Variants in CDH18 observed in about 807,000 individuals in gnomAD.
CDH18 encodes cadherin-18.
A neutral mutation model predicts 67.9 loss-of-function variants in CDH18; 31 were observed. That is an observed-to-expected ratio of 0.46 (90% CI 0.34 to 0.62). The LOEUF is 0.62. CDH18 is among the 20% of genes least tolerant of loss of function. The pLI, the probability that CDH18 is intolerant of heterozygous loss-of-function variation, is 0.01. For missense variants in CDH18, 890 were observed against 975.5 expected (o/e 0.91, Z 1.17); for synonymous variants, 362 against 347.2 (o/e 1.04, Z -0.48).
intron 1 of CDH18, among the ~76,000 whole-genome samples, chr5:20,379,887 C>A (rs1317047735): frequency 6.6e-6 from 1 of 151,830 alleles, no homozygotes; most frequent in Non-Finnish European, 1.5e-5. Flanking sequence ...TAGGTTGTGA[C>A]CCCAATCACT....
intron 9 of CDH18, among the ~76,000 whole-genome samples, chr5:19,527,354 T>C (rs1287605660): frequency 6.6e-6 from 1 of 151,688 alleles, no homozygotes; most frequent in East Asian, 1.9e-4. Context: ...CTATTAAATC[T>C]ACTTAAACAA....
intron 1 of CDH18, among the ~76,000 whole-genome samples, chr5:20,383,271 C>T (rs1744062555): frequency 6.6e-6 from 1 of 152,154 alleles, no homozygotes; most frequent in East Asian, 1.9e-4. Context: ...ACTTGGAGGA[C>T]ATAATGTTCA....
intron 4 of CDH18, among the ~76,000 whole-genome samples, chr5:19,734,900 T>C (rs966031301): frequency 1.3e-5 from 2 of 152,208 alleles, no homozygotes; most frequent in African/African-American, 2.4e-5. Context: ...GTAAGTTATA[T>C]TGCAATAACA....
intron 3 of CDH18, among the ~76,000 whole-genome samples, chr5:19,811,971 A>G (rs571759630): frequency 6.6e-5 from 10 of 152,336 alleles, no homozygotes; most frequent in African/African-American, 2.4e-4. Flanking sequence ...AACAACAAAG[A>G]TATTGATAAA....
chr5:19,811,785 C>A (rs1467913123), intron 3 of CDH18, among the ~76,000 whole-genome samples: 1 of 151,858 alleles, frequency 6.6e-6, no homozygotes, highest in Non-Finnish European at 1.5e-5. Flanking sequence ...ATATCTTCAA[C>A]AAAACAATAG....
At chr5:20,332,042 T>G (rs1023549397) in intron 1 of CDH18, among the ~76,000 whole-genome samples, 11 of 152,176 alleles carry the variant, frequency 7.2e-5, no homozygotes, top group African/African-American at 2.7e-4. Context: ...TTGTGGCCTG[T>G]TTTGAAGATT....
At chr5:19,712,805 A>T (rs1764874125) in intron 5 of CDH18, among the ~76,000 whole-genome samples, 1 of 151,502 alleles carries the variant, frequency 6.6e-6, no homozygotes, top group South Asian at 2.1e-4. Context: ...TGCTTTCTAG[A>T]TTTCATTGTA....
intron 2 of CDH18, among the ~76,000 whole-genome samples, chr5:19,941,778 C>A (rs1794846015): frequency 6.6e-6 from 1 of 151,816 alleles, no homozygotes; most frequent in Non-Finnish European, 1.5e-5. Context: ...CAGAGCAAAA[C>A]CCTGCCTCTC....
At chr5:19,665,426 G>A (rs1029389449) in intron 5 of CDH18, among the ~76,000 whole-genome samples, 11 of 151,960 alleles carry the variant, frequency 7.2e-5, no homozygotes, top group Non-Finnish European at 1.5e-4. Context: ...GTTAATTTTT[G>A]TATGTGGAAA....
At chr5:19,856,674 A>C (rs183638704) in intron 2 of CDH18, among the ~76,000 whole-genome samples, 17 of 151,406 alleles carry the variant, frequency 1.1e-4, no homozygotes, top group African/African-American at 3.6e-4. Flanking sequence ...TATAAAAAGA[A>C]GGTATTTGTT....
chr5:20,131,823 C>T (rs984389322), intron 2 of CDH18, among the ~76,000 whole-genome samples: 3 of 152,098 alleles, frequency 2.0e-5, no homozygotes, highest in Admixed American at 6.6e-5. Flanking sequence ...TATTACTTTA[C>T]ACTTTATTCT....
At chr5:20,564,999 C>T (rs1056795644) in intron 1 of CDH18, among the ~76,000 whole-genome samples, 17 of 152,180 alleles carry the variant, frequency 1.1e-4, no homozygotes, top group Non-Finnish European at 2.4e-4. Context: ...GAAATTAGCA[C>T]CACTTCAAAG....
intron 3 of CDH18, among the ~76,000 whole-genome samples, chr5:19,801,848 C>A (rs929134582): frequency 7.2e-5 from 11 of 152,156 alleles, no homozygotes; most frequent in Non-Finnish European, 1.2e-4. Flanking sequence ...CAGTTCCCCC[C>A]CAACACCATA....
At chr5:19,505,817 A>C (rs1744049070) in intron 10 of CDH18, among the ~76,000 whole-genome samples, 1 of 152,058 alleles carries the variant, frequency 6.6e-6, no homozygotes, top group Admixed American at 6.6e-5. Flanking sequence ...TGGTATCAGG[A>C]TGATGCTGGC....
At chr5:20,447,134 T>C (rs1750063930) in intron 1 of CDH18, among the ~76,000 whole-genome samples, 1 of 152,226 alleles carries the variant, frequency 6.6e-6, no homozygotes, top group Admixed American at 6.5e-5. Context: ...TTATCCTTTT[T>C]CCTTCCTTCT....
intron 2 of CDH18, among the ~76,000 whole-genome samples, chr5:20,166,375 G>C (rs1350940681): frequency 6.7e-6 from 1 of 149,112 alleles, no homozygotes; most frequent in Non-Finnish European, 1.5e-5. Flanking sequence ...TGGGGATGGA[G>C]GTTGTAGTGA....
At chr5:19,615,382 A>G (rs1046793507) in intron 5 of CDH18, among the ~76,000 whole-genome samples, 1 of 152,170 alleles carries the variant, frequency 6.6e-6, no homozygotes, top group African/African-American at 2.4e-5. Flanking sequence ...CCTTTTAAAT[A>G]GACTATATTT....
intron 2 of CDH18, among the ~76,000 whole-genome samples, chr5:20,237,663 C>G (rs531303182): frequency 6.6e-6 from 1 of 151,808 alleles, no homozygotes; most frequent in Non-Finnish European, 1.5e-5. Flanking sequence ...AATTAAATAA[C>G]ACTTAAATAA....
At chr5:20,360,712 G>A (rs550824822) in intron 1 of CDH18, among the ~76,000 whole-genome samples, 19 of 152,246 alleles carry the variant, frequency 1.2e-4, no homozygotes, top group Admixed American at 7.9e-4. Context: ...CTATCAGTCA[G>A]TACAATCTGC....
Sources: allele counts gnomAD v4.1 joint callset (sites outside exome capture counted in the v4.1 genomes callset), GRCh38; gene constraint gnomAD v4.1.1; transcripts MANE v1.5; gene names NCBI Gene and HGNC (gene_info 2026-07-23, HGNC 2026-07-21).